The following BCR variants were observed in gnomAD, a reference collection of about 807,000 sequenced individuals.
The protein encoded by BCR is breakpoint cluster region protein.
Under a neutral mutation model 138.6 loss-of-function variants are expected in BCR, and 58 were observed. The ratio of observed to expected loss-of-function variants is 0.42; its 90% CI spans 0.34 to 0.52. BCR has a LOEUF of 0.52. Ranked by LOEUF, BCR falls within the 20% of genes least tolerant of loss-of-function variation. The pLI is 0.06. For missense variants in BCR, 1,599 were observed against 1,727.2 expected, an observed-to-expected ratio of 0.93 and a Z score of 1.32; for synonymous variants, 786 against 730.1, an observed-to-expected ratio of 1.08 and a Z score of -1.23.
At chr22:23,267,612 G>A (rs914595473) in intron 4 of BCR, among the ~76,000 whole-genome samples, 3 of 152,216 alleles carry the variant, frequency 2.0e-5, no homozygotes, top group African/African-American at 7.2e-5. Flanking sequence ...GCCCTGACCA[G>A]TGCATCTCCT....
chr22:23,303,480 T>A (rs573291989), intron 16 of BCR, among the ~76,000 whole-genome samples: 3 of 152,308 alleles, frequency 2.0e-5, no homozygotes, highest in African/African-American at 7.2e-5. Flanking sequence ...TGGGGGGCAT[T>A]CCGAGATGAA....
intron 16 of BCR, among the ~76,000 whole-genome samples, chr22:23,301,060 T>C (rs5751625): frequency 0.32 from 48,333 of 152,172 alleles, 7,990 homozygotes; most frequent in African/African-American, 0.39. Flanking sequence ...TCCTAGCACT[T>C]TGTGAGGCTG....
rs1421699339 is a variant in BCR at position 23,264,285 on chromosome 22, C to G, written c.1752+2745C>G. The G allele has an allele frequency of 3.2e-6, 3 of 923,930 alleles. No homozygotes were observed. In the East Asian group the frequency reaches 7.2e-5, roughly 22 times the overall value. 57.2% of individuals were successfully genotyped at this position (923,930 alleles called of 1,614,324 possible). ...CCGCCTCGGCAGCCCTGTGTACTGCCTGCATCTCACCACCAAGCATCTCTA... is the reference window on the plus strand; with the variant it reads ...CCGCCTCGGCAGCCCTGTGTACTGCGTGCATCTCACCACCAAGCATCTCTA... On this transcript the variant is annotated intron_variant, in intron 4 of 22. Coordinates refer to ENST00000305877, the MANE Select transcript of BCR (RefSeq NM_004327.4).
chr22:23,311,673 T>G (rs759346304), intron 18 of BCR, 24 bp from the exon 19 acceptor site: 20 of 1,563,782 alleles, frequency 1.3e-5, no homozygotes, highest in Non-Finnish European at 1.8e-5. Context: ...GTTAGGACAC[T>G]GAGAACATTC....
intron 1 of BCR, among the ~76,000 whole-genome samples, chr22:23,250,689 C>T (rs549436628): frequency 3.3e-5 from 5 of 152,110 alleles, no homozygotes; most frequent in Non-Finnish European, 7.4e-5. Context: ...GTGACAGTAG[C>T]ATTTTAGAGC....
intron 1 of BCR, among the ~76,000 whole-genome samples, chr22:23,243,562 G>A (rs1171817378): frequency 1.3e-5 from 2 of 152,000 alleles, no homozygotes; most frequent in Non-Finnish European, 2.9e-5. Flanking sequence ...GCCCTCTTCC[G>A]TTTGGCTTTC....
rs146968809 is a variant in BCR at position 23,206,093 on chromosome 22, A to T, written c.1279+23854A>T. On this transcript the variant is annotated intron_variant, in intron 1 of 22. Transcript: ENST00000305877. ...CGGAGGAGGAAAAGCTGGATGAGAG[A>T]TGGTCACTTGGTTTCTAACTTCCCT... is the stretch of plus-strand genomic sequence containing the variant. 3.0e-3 allele frequency among the ~76,000 whole-genome samples: 450 copies of T among 152,226 alleles called. 1 individual carries two copies. Among genetic ancestry groups the T allele is most frequent in the Non-Finnish European group, 5.3e-3 (361 of 68,018 alleles).
At chr22:23,305,749 C>G (rs2073948966) in intron 16 of BCR, among the ~76,000 whole-genome samples, 1 of 152,186 alleles carries the variant, frequency 6.6e-6, no homozygotes, top group Admixed American at 6.5e-5. Flanking sequence ...GCAACCTGGT[C>G]CATCCTCCTG....
chr22:23,191,478 C>T (rs1194179427), intron 1 of BCR, among the ~76,000 whole-genome samples: 4 of 152,170 alleles, frequency 2.6e-5, no homozygotes, highest in African/African-American at 9.7e-5. Context: ...CAAAACCTTT[C>T]TAATGTCAAA....
chr22:23,210,733 G>C (rs528075980), intron 1 of BCR, among the ~76,000 whole-genome samples: 2 of 152,324 alleles, frequency 1.3e-5, no homozygotes, highest in Non-Finnish European at 2.9e-5. Context: ...AAATAGAATT[G>C]TACAGTGTGT....
intron 4 of BCR, chr22:23,262,907 G>C (rs1444563963): frequency 2.7e-5 from 29 of 1,093,676 alleles, no homozygotes; most frequent in Non-Finnish European, 3.2e-5. Context: ...CGGGAGCGAG[G>C]ACACGCCCAA....
rs139201536 is a variant in BCR, at chr22:23,253,947, G to A, written c.1428G>A (p.Ala476=). Residue 476 remains alanine, a synonymous_variant, in exon 2 of 23, where the codon GCG becomes GCA. Coordinates refer to ENST00000305877, the MANE Select transcript of BCR (RefSeq NM_004327.4). ...LSSKGRGSRD[A]LVSGALESTK... ...GCAAGGGCAGGGGCAGCCGGGATGC[G>A]CTGGTCTCGGGAGCCCTGGAGTCCA... 497 of 1,613,024 alleles carry A rather than the reference G, an allele frequency of 3.1e-4. No homozygotes were observed. In the African/African-American group the frequency reaches 5.1e-3, roughly 17 times the overall value.
rs181092851 is a variant in BCR, at chr22:23,252,670, A to G, written c.1280-1129A>G. Among the ~76,000 whole-genome samples the G allele has an allele frequency of 3.4e-3, 510 of 151,876 alleles. 5 individuals carry two copies. The highest frequency in any genetic ancestry group is 0.02 in the Middle Eastern group (6 of 294). On this transcript the variant is annotated intron_variant, in intron 1 of 22. Coordinates refer to ENST00000305877, the MANE Select transcript of BCR (RefSeq NM_004327.4). ...GGTCTCGAACTCCTGACCTCAAGTG[A>G]TCCACCCACCTCGGCCTCCCAAAGT...
intron 1 of BCR, among the ~76,000 whole-genome samples, chr22:23,186,342 A>G (rs2072342172): frequency 6.6e-6 from 1 of 152,252 alleles, no homozygotes; most frequent in Non-Finnish European, 1.5e-5. Context: ...TAAAATGCAC[A>G]TAACAAAAGT....
chr22:23,315,249 A>C (rs897523928), intron 22 of BCR, among the ~76,000 whole-genome samples, 184 bp from the exon 23 acceptor site: 10 of 141,674 alleles, frequency 7.1e-5, no homozygotes, highest in East Asian at 2.1e-4. Flanking sequence ...ACCACCCCCC[A>C]CCCAACAAGT....
intron 1 of BCR, among the ~76,000 whole-genome samples, chr22:23,250,657 A>G (rs2073214497): frequency 6.6e-6 from 1 of 152,148 alleles, no homozygotes; most frequent in Non-Finnish European, 1.5e-5. Flanking sequence ...GGCCAAGGGG[A>G]TGGCACGGCC....
chr22:23,277,675 C>T (rs1320337446), intron 8 of BCR, among the ~76,000 whole-genome samples: 1 of 152,176 alleles, frequency 6.6e-6, no homozygotes, highest in Non-Finnish European at 1.5e-5. Context: ...TTGCTACCTG[C>T]TGAGCCTGGG....
At chr22:23,226,321 AGAGAGAGT>A (rs56305103) in intron 1 of BCR, among the ~76,000 whole-genome samples, 61,031 of 145,766 alleles carry the variant, frequency 0.42, 12,657 homozygotes, top group East Asian at 0.65. Context: ...AGAGAGAGAG[AGAGAGAGT>A]GTGTGTGTGT....
At chr22:23,193,604 A>C (rs1315555269) in intron 1 of BCR, among the ~76,000 whole-genome samples, 1 of 152,216 alleles carries the variant, frequency 6.6e-6, no homozygotes, top group African/African-American at 2.4e-5. Context: ...TTCTCCTCCT[A>C]TAATCCTCCT....
Sources: allele counts gnomAD v4.1 joint callset (sites outside exome capture counted in the v4.1 genomes callset), GRCh38; gene constraint gnomAD v4.1.1; transcripts MANE v1.5; gene names NCBI Gene and HGNC (gene_info 2026-07-23, HGNC 2026-07-21).